AGAP4: variants seen among roughly 807,000 people sequenced by gnomAD.
AGAP4 encodes the protein ArfGAP with GTPase domain, ankyrin repeat and PH domain 4.
In AGAP4, 13 loss-of-function variants were observed where a neutral mutation model predicts 60.7. That is an observed-to-expected ratio of 0.21 (90% CI 0.14 to 0.34). AGAP4 has a LOEUF of 0.34. AGAP4 is among the 10% of genes least tolerant of loss of function. The pLI, the probability that AGAP4 is intolerant of heterozygous loss-of-function variation, is 1.00. For synonymous variants in AGAP4, 70 were observed against 339.0 expected (o/e 0.21, Z 8.72); for missense variants, 169 against 884.0 (o/e 0.19, Z 10.26).
rs1319203903 is a variant in AGAP4 at position 45,841,805 on chromosome 10, A to C, written c.362-118T>G. The C allele has an allele frequency of 2.6e-3, 3,135 of 1,192,258 alleles. 14 individuals are homozygous for C. The highest frequency in any genetic ancestry group is 6.6e-3 in the Middle Eastern group (22 of 3,346). 73.9% of individuals were successfully genotyped at this position (1,192,258 alleles called of 1,614,324 possible). A position where few individuals can be genotyped will look rare whatever the true frequency, so the allele number is the denominator to read the frequency against. On this transcript the variant is annotated intron_variant, in intron 3 of 7. Transcript: ENST00000616763. ...AATGAGACAAAATTCCATTAAAAAA[A>C]AAATTTTCAATAACATATAATTTAA...
chr10:45,840,158 AAG>A (rs2058894272), intron 4 of AGAP4, among the ~76,000 whole-genome samples: 1 of 148,438 alleles, frequency 6.7e-6, no homozygotes. Flanking sequence ...AGATTCTAAA[AAG>A]CTTCCGCAGA....
At chr10:45,829,326 A>C (rs2058693955) in intron 6 of AGAP4, among the ~76,000 whole-genome samples, 1 of 121,398 alleles carries the variant, frequency 8.2e-6, no homozygotes, top group South Asian at 3.9e-4. Context: ...AGTTAACCAG[A>C]AGCGCTTTTT....
chr10:45,844,469 C>A, intron 2 of AGAP4, 75 bp from the exon 3 acceptor site: 1 of 1,588,830 alleles, frequency 6.3e-7, no homozygotes. Context: ...TATTCGACTG[C>A]TGCATTTAGG....
In AGAP4 at chr10:45,826,659, C is replaced by A; in HGVS notation, c.1317G>T (p.Gln439His). ...ACTGCAGGCTGGCCAGGATCTGGCT[C>A]TGGATGGCTTGGACCCAGGCATCCC... ...EERDAWVQAI[Q>H]SQILASLQSC... The change falls in exon 8 of 8, where the codon CAG (glutamine) becomes CAT (histidine). Residue 439 changes from glutamine to histidine, a missense_variant. Coordinates refer to ENST00000616763, the MANE Select transcript of AGAP4 (RefSeq NM_001276343.3). 1 of 1,365,398 alleles carries A rather than the reference C, an allele frequency of 7.3e-7. No homozygotes were observed. The highest frequency in any genetic ancestry group is 1.0e-6 in the Non-Finnish European group (1 of 1,003,822). The allele number at this position is 1,365,398 out of a possible 1,614,324, so 84.6% of individuals were successfully genotyped here.
chr10:45,849,736 G>C (rs2059059621), upstream of AGAP4, among the ~76,000 whole-genome samples: 1 of 151,240 alleles, frequency 6.6e-6, no homozygotes, highest in African/African-American at 2.4e-5. Flanking sequence ...CGCCTCCTGG[G>C]CTCAAGCGAT....
intron 2 of AGAP4, among the ~76,000 whole-genome samples, chr10:45,846,177 T>C (rs1422938169): frequency 6.6e-6 from 1 of 151,530 alleles, no homozygotes; most frequent in African/African-American, 2.4e-5. Context: ...TCTGTTAAAG[T>C]AAGAACTTTA....
chr10:45,837,087 G>C (rs1389053384), intron 4 of AGAP4, among the ~76,000 whole-genome samples: 1 of 138,732 alleles, frequency 7.2e-6, no homozygotes, highest in Non-Finnish European at 1.6e-5. Flanking sequence ...GGCTGGTCTC[G>C]AACTCCTGAC....
chr10:45,834,812 C>A (rs1302577152), intron 4 of AGAP4, among the ~76,000 whole-genome samples: 1 of 144,620 alleles, frequency 6.9e-6, no homozygotes, highest in East Asian at 2.0e-4. Context: ...CTCGCTCTGT[C>A]GCCCAGACTG....
chr10:45,839,954 GA>G (rs1174085469), intron 4 of AGAP4, among the ~76,000 whole-genome samples: 1 of 149,492 alleles, frequency 6.7e-6, no homozygotes, highest in Admixed American at 6.7e-5. Context: ...AATACAAGGG[GA>G]AAAATTAAAA....
chr10:45,838,761 A>C (rs1423102930), intron 4 of AGAP4, among the ~76,000 whole-genome samples: 1 of 151,616 alleles, frequency 6.6e-6, no homozygotes, highest in East Asian at 1.9e-4. Flanking sequence ...CTTTTTGTAG[A>C]TATGAGGACT....
chr10:45,830,463 C>A (rs1403053744), intron 6 of AGAP4, among the ~76,000 whole-genome samples: 1 of 107,090 alleles, frequency 9.3e-6, no homozygotes, highest in Non-Finnish European at 2.0e-5. Flanking sequence ...TGAACCACTG[C>A]GCCCCACCAG....
upstream of AGAP4, among the ~76,000 whole-genome samples, chr10:45,852,214 C>T (rs1590046505): frequency 4.7e-5 from 4 of 84,714 alleles, 1 homozygote; most frequent in South Asian, 9.6e-4. Context: ...CCCGGCCAGA[C>T]TTTAAAAAAA....
chr10:45,854,633 C>CAAAAAAAA (rs1159986731), upstream of AGAP4: 1 of 66,270 alleles, frequency 1.5e-5, no homozygotes. Context: ...GACTCCCTCT[C>CAAAAAAAA]AAAAAAAAAA....
chr10:45,830,217 G>C (rs1470530673), intron 6 of AGAP4, among the ~76,000 whole-genome samples: 1 of 147,606 alleles, frequency 6.8e-6, no homozygotes, highest in Admixed American at 6.8e-5. Flanking sequence ...CTGTCACCCA[G>C]GCTGGGGTGC....
chr10:45,830,481 C>CT (rs1290897943), intron 6 of AGAP4, among the ~76,000 whole-genome samples: 1 of 96,376 alleles, frequency 1.0e-5, no homozygotes, highest in Admixed American at 9.1e-5. Flanking sequence ...CAGCTTATTG[C>CT]TTTTTTTGTT....
intron 3 of AGAP4, among the ~76,000 whole-genome samples, chr10:45,841,899 T>A (rs1254058971): frequency 6.6e-6 from 1 of 151,970 alleles, no homozygotes; most frequent in East Asian, 1.9e-4. Context: ...TTACTTTTTG[T>A]TTCTATTACA....
chr10:45,852,239 A>AC (rs1344270933), upstream of AGAP4, among the ~76,000 whole-genome samples: 1 of 136,094 alleles, frequency 7.3e-6, no homozygotes, highest in African/African-American at 2.6e-5. Context: ...AAAAAAAAAA[A>AC]AAAACTACTG....
intron 3 of AGAP4, among the ~76,000 whole-genome samples, chr10:45,842,611 T>G (rs2058937436): frequency 6.7e-6 from 1 of 148,750 alleles, no homozygotes; most frequent in Admixed American, 6.6e-5. Context: ...AAAAAATCAT[T>G]TTTTTTCCCT....
intron 4 of AGAP4, among the ~76,000 whole-genome samples, chr10:45,837,118 G>T (rs1554897981): frequency 7.1e-6 from 1 of 140,194 alleles, no homozygotes; most frequent in Non-Finnish European, 1.6e-5. Context: ...GTCCGCCTCA[G>T]CCTCCCAAAG....
Sources: gnomAD v4.1 joint callset for allele counts (sites outside exome capture counted in the v4.1 genomes callset) on GRCh38, gnomAD v4.1.1 for gene constraint, MANE v1.5 for transcripts, NCBI Gene and HGNC (gene_info 2026-07-23, HGNC 2026-07-21) for gene names.